CACNB4: variants seen among roughly 807,000 people sequenced by gnomAD.
CACNB4 encodes the protein voltage-dependent L-type calcium channel subunit beta-4.
Under a neutral mutation model 71.2 loss-of-function variants are expected in CACNB4, and 32 were observed. The observed-to-expected ratio is 0.45, with a 90% CI of 0.34 to 0.60. The LOEUF (loss-of-function observed/expected upper bound fraction) is 0.60, where lower values mean the gene tolerates loss of function less well. CACNB4 is among the 20% of genes least tolerant of loss of function. CACNB4 has a pLI of 0.01. For missense variants in CACNB4, 464 were observed against 647.9 expected (o/e 0.72, Z 3.08); for synonymous variants, 231 against 236.9 (o/e 0.97, Z 0.23).
At position 151,838,613 on chromosome 2, in the gene CACNB4, T is replaced by A. The variant is rs1318911754; in HGVS notation, c.*506A>T. On this transcript the variant is annotated 3_prime_UTR_variant, in exon 14 of 14. Coordinates refer to ENST00000539935, the MANE Select transcript of CACNB4 (RefSeq NM_000726.5). Reference sequence around the variant, plus strand: ...AAGTGTAAATTTAGCTTCCAGCAAATAAATACCAAAGCTGGATTTGGCTTC... The same window carrying A: ...AAGTGTAAATTTAGCTTCCAGCAAAAAAATACCAAAGCTGGATTTGGCTTC... 1.3e-5 allele frequency: 2 copies of A among 152,440 alleles called. No individual in the cohort carries two copies. Among genetic ancestry groups the A allele is most frequent in the Admixed American group, 6.6e-5 (1 of 15,226 alleles). 9.4% of individuals were successfully genotyped at this position (152,440 alleles called of 1,614,324 possible). A position where few individuals can be genotyped will look rare whatever the true frequency, so the allele number is the denominator to read the frequency against.
Position 151,936,933 on chromosome 2 carries a change from T to C in CACNB4, c.148-53563A>G, listed in dbSNP as rs974364075. Reference sequence around the variant, plus strand: ...CTCTGGGCTCTCAAAGCATAAATCATTGAAGATGCTTTAGTTGATTTATGG... The same window carrying C: ...CTCTGGGCTCTCAAAGCATAAATCACTGAAGATGCTTTAGTTGATTTATGG... On this transcript the variant is annotated intron_variant, in intron 2 of 13. Coordinates refer to ENST00000539935, the MANE Select transcript of CACNB4 (RefSeq NM_000726.5). Among the ~76,000 whole-genome samples the C allele has an allele frequency of 2.0e-5, 3 of 152,240 alleles. No individual in the cohort carries two copies. In the East Asian group the frequency reaches 5.8e-4, roughly 29 times the overall value.
intron 2 of CACNB4, among the ~76,000 whole-genome samples, chr2:152,044,197 T>A (rs1478245989): frequency 6.6e-6 from 1 of 152,204 alleles, no homozygotes; most frequent in Non-Finnish European, 1.5e-5. Context: ...GCACTTCTTT[T>A]AAAACAGATT....
At chr2:151,894,771 C>T (rs868740605) in intron 2 of CACNB4, among the ~76,000 whole-genome samples, 14 of 151,976 alleles carry the variant, frequency 9.2e-5, no homozygotes, top group Middle Eastern at 6.8e-3. Flanking sequence ...ATAATAGACT[C>T]GCTGAAAAAG....
chr2:151,919,149 C>A (rs1327957963), intron 2 of CACNB4, among the ~76,000 whole-genome samples: 1 of 152,192 alleles, frequency 6.6e-6, no homozygotes, highest in Non-Finnish European at 1.5e-5. Flanking sequence ...TGGGGCCATA[C>A]TAAGTTAGGC....
chr2:152,086,837 A>G (rs1687686544), intron 2 of CACNB4, among the ~76,000 whole-genome samples: 1 of 152,196 alleles, frequency 6.6e-6, no homozygotes, highest in African/African-American at 2.4e-5. Flanking sequence ...CATGCAGGTT[A>G]AAGAGTTTTG....
At position 152,017,390 on chromosome 2, in the gene CACNB4, C is replaced by T. The variant is rs1325642126; in HGVS notation, c.147+80940G>A. Among the ~76,000 whole-genome samples, 3 of 149,620 alleles carry T rather than the reference C, an allele frequency of 2.0e-5. 1 individual carries two copies. The highest frequency in any genetic ancestry group is 7.7e-5 in the African/African-American group (3 of 38,990). The stretch of plus-strand genomic sequence containing the variant: ...TCAACTTCACTGATCCAGAGAAAAC[C>T]TGAGAAACAGAAGGAAGCCTTAAAA... On this transcript the variant is annotated intron_variant, in intron 2 of 13. Coordinates refer to ENST00000539935, the MANE Select transcript of CACNB4 (RefSeq NM_000726.5).
In CACNB4 at chr2:151,982,610, A is replaced by G. The variant is rs187985940; in HGVS notation, c.148-99240T>C. On this transcript the variant is annotated intron_variant, in intron 2 of 13. Coordinates refer to ENST00000539935, the MANE Select transcript of CACNB4 (RefSeq NM_000726.5). ...ATTGCACCACTGCACTCCAGCCTGG[A>G]CGACAGAGCGAGACTCCGTCTCAAA... 4.7e-4 allele frequency among the ~76,000 whole-genome samples: 70 copies of G among 149,270 alleles called. 1 individual carries two copies. The Middle Eastern group carries it at 0.01, about 22-fold the overall frequency.
chr2:152,098,719 C>A lies in CACNB4; in HGVS notation c.63+230G>T, dbSNP rs545186606. On this transcript the variant is annotated intron_variant, in intron 1 of 13. Transcript: ENST00000539935. The surrounding 1 kb of genome is among the most constrained non-coding windows in gnomAD (Gnocchi z 5.3). ...CTGGGGGAGGCTGCGGGCTCCGGAG[C>A]GGGAGCGCAGAGACCCGAAGGAGGG... 923 of 1,550,612 alleles carry A rather than the reference C, an allele frequency of 6.0e-4. 4 individuals carry two copies. The African/African-American group carries it at 0.012, about 19-fold the overall frequency.
At position 151,885,537 on chromosome 2, in the gene CACNB4, T is replaced by C. The variant is rs112225616; in HGVS notation, c.148-2167A>G. 6.7e-3 allele frequency among the ~76,000 whole-genome samples: 1,019 copies of C among 152,324 alleles called. 9 individuals are homozygous for C. Among genetic ancestry groups the C allele is most frequent in the African/African-American group, 0.024 (979 of 41,560 alleles). On this transcript the variant is annotated intron_variant, in intron 2 of 13. Coordinates refer to ENST00000539935, the MANE Select transcript of CACNB4 (RefSeq NM_000726.5). The stretch of plus-strand genomic sequence containing the variant: ...ACTTTTCATCCTCATTTCCTAGTGC[T>C]GACATTTTCACATTGATAAAAACAA...
At chr2:152,079,290 G>A (rs540920984) in intron 2 of CACNB4, among the ~76,000 whole-genome samples, 82 of 151,766 alleles carry the variant, frequency 5.4e-4, no homozygotes, top group African/African-American at 1.8e-3. Flanking sequence ...GGGTTTCACC[G>A]TGTTAGCCAG....
intron 2 of CACNB4, among the ~76,000 whole-genome samples, chr2:152,049,765 A>G (rs1169137688): frequency 1.3e-5 from 2 of 152,256 alleles, no homozygotes; most frequent in Non-Finnish European, 2.9e-5. Flanking sequence ...GCAAGGGCTT[A>G]CACAGGTGCC....
At chr2:151,859,625 A>G (rs1197565765) in intron 10 of CACNB4, 2 of 152,200 alleles carry the variant, frequency 1.3e-5, no homozygotes. Context: ...CTGCATGTGG[A>G]AGGCTCTAAA....
intron 2 of CACNB4, among the ~76,000 whole-genome samples, chr2:151,996,471 T>C (rs960487283): frequency 7.3e-6 from 1 of 137,744 alleles, no homozygotes; most frequent in Non-Finnish European, 1.6e-5. Flanking sequence ...AGCAAGACCC[T>C]GTCTCTTAAA....
chr2:151,981,409 T>G (rs1443137427), intron 2 of CACNB4, among the ~76,000 whole-genome samples: 1 of 152,150 alleles, frequency 6.6e-6, no homozygotes, highest in Admixed American at 6.5e-5. Flanking sequence ...CAAGGAAATC[T>G]GTGAGGTCAA....
At chr2:151,951,649 C>T in intron 2 of CACNB4, among the ~76,000 whole-genome samples, 1 of 152,192 alleles carries the variant, frequency 6.6e-6, no homozygotes, top group Middle Eastern at 3.2e-3. Flanking sequence ...GCTTAGCTCC[C>T]ATCACAGAGG....
chr2:151,992,232 G>A (rs552500057), intron 2 of CACNB4, among the ~76,000 whole-genome samples: 21 of 152,366 alleles, frequency 1.4e-4, no homozygotes, highest in African/African-American at 4.8e-4. Flanking sequence ...GAAGTCTACA[G>A]TGGGTCAGGG....
chr2:152,043,902 A>G (rs1033897324), intron 2 of CACNB4, among the ~76,000 whole-genome samples: 1 of 152,158 alleles, frequency 6.6e-6, no homozygotes, highest in Non-Finnish European at 1.5e-5. Flanking sequence ...ATCAGATTTC[A>G]GTTAATTAAA....
chr2:151,971,729 T>G (rs2099872604), intron 2 of CACNB4: 2 of 649,392 alleles, frequency 3.1e-6, no homozygotes, highest in South Asian at 3.5e-5. Flanking sequence ...TAAACTCAAA[T>G]GAGCATTCAG....
At chr2:151,951,340 C>T (rs965197520) in intron 2 of CACNB4, among the ~76,000 whole-genome samples, 1 of 152,036 alleles carries the variant, frequency 6.6e-6, no homozygotes, top group East Asian at 1.9e-4. Context: ...TTTCCCCTAC[C>T]CAATTCCCCC....
Sources: gnomAD v4.1 joint callset for allele counts (sites outside exome capture counted in the v4.1 genomes callset) on GRCh38, gnomAD v4.1.1 for gene constraint, Gnocchi (gnomAD v3.1) non-coding constraint, MANE v1.5 for transcripts, NCBI Gene and HGNC (gene_info 2026-07-23, HGNC 2026-07-21) for gene names.